ADGB: variants seen among roughly 807,000 people sequenced by gnomAD.
ADGB encodes calpain-7-like protein.
A neutral mutation model predicts 210.5 loss-of-function variants in ADGB; 172 were observed. The ratio of observed to expected loss-of-function variants is 0.82; its 90% confidence interval spans 0.72 to 0.93. The LOEUF (loss-of-function observed/expected upper bound fraction) is 0.93, where lower values mean the gene tolerates loss of function less well. Ranked by LOEUF, ADGB falls within the 40% of genes least tolerant of loss-of-function variation. The pLI, the probability that ADGB is intolerant of heterozygous loss-of-function variation, is 0.00. For synonymous variants in ADGB, 658 were observed against 662.7 expected (o/e 0.99, Z 0.11); for missense variants, 2,025 against 1,964.8 (o/e 1.03, Z -0.58).
intron 35 of ADGB, 108 bp downstream of exon 35, chr6:146,802,119 C>A: frequency 1.2e-6 from 1 of 800,394 alleles, no homozygotes; most frequent in Non-Finnish European, 1.7e-6. Flanking sequence ...GTCTTGAAAA[C>A]ATAGGTTTCT....
chr6:146,648,583 T>C (rs35846267), intron 3 of ADGB, among the ~76,000 whole-genome samples: 32,538 of 151,766 alleles, frequency 0.21, 3,607 homozygotes, highest in East Asian at 0.24. Context: ...TTTTATACCA[T>C]CAAATCTCAT....
At chr6:146,807,408 T>C (rs1320277238) in intron 35 of ADGB, 1 of 1,551,298 alleles carries the variant, frequency 6.4e-7, no homozygotes, top group African/African-American at 1.4e-5. Flanking sequence ...ACAGGACTCC[T>C]TAGATGAAGC....
intron 3 of ADGB, among the ~76,000 whole-genome samples, chr6:146,648,923 G>A (rs1026875992): frequency 2.0e-5 from 3 of 151,668 alleles, no homozygotes; most frequent in Non-Finnish European, 4.4e-5. Context: ...TTTTATAAAT[G>A]AAACCATTTT....
At chr6:146,729,048 G>A (rs2114581365) in intron 20 of ADGB, among the ~76,000 whole-genome samples, 1 of 152,296 alleles carries the variant, frequency 6.6e-6, no homozygotes, top group South Asian at 2.1e-4. Context: ...GCAAGATGGT[G>A]GTGCTTCTCC....
chr6:146,720,842 C>T (rs1776801907), intron 16 of ADGB, among the ~76,000 whole-genome samples: 1 of 152,164 alleles, frequency 6.6e-6, no homozygotes, highest in Non-Finnish European at 1.5e-5. Flanking sequence ...AATCACCTCC[C>T]ACCAGGCCCC....
intron 27 of ADGB, among the ~76,000 whole-genome samples, chr6:146,754,086 C>T (rs1186326808): frequency 6.6e-6 from 1 of 151,178 alleles, no homozygotes; most frequent in African/African-American, 2.4e-5. Context: ...AAAATAATTT[C>T]CAAGGTTATT....
In ADGB at chr6:146,647,606, G is replaced by A. The variant is rs191068565; in HGVS notation, c.330+2741G>A. Among the ~76,000 whole-genome samples, 112 of 152,108 alleles carry A rather than the reference G, an allele frequency of 7.4e-4. 1 individual carries two copies. Among genetic ancestry groups the A allele is most frequent in the African/African-American group, 2.3e-3 (94 of 41,526 alleles). ...AAGTTATAGTTTGGGAAAACATTGT[G>A]TTTATTCTGTATTTATTACTTTTAT... On this transcript the variant is annotated intron_variant, in intron 3 of 35. Coordinates refer to ENST00000397944, the MANE Select transcript of ADGB (RefSeq NM_024694.4).
At chr6:146,781,417 C>T (rs1446642728) in intron 29 of ADGB, among the ~76,000 whole-genome samples, 1 of 148,788 alleles carries the variant, frequency 6.7e-6, no homozygotes, top group Non-Finnish European at 1.5e-5. Context: ...ACTCTCTTAA[C>T]CAATGGAACA....
At chr6:146,657,727 C>T (rs1775804827) in intron 5 of ADGB, among the ~76,000 whole-genome samples, 1 of 152,174 alleles carries the variant, frequency 6.6e-6, no homozygotes, top group African/African-American at 2.4e-5. Flanking sequence ...GTCCAGTCCT[C>T]TTCTGGCTTT....
intron 33 of ADGB, among the ~76,000 whole-genome samples, chr6:146,790,296 C>T (rs1777935851): frequency 6.6e-6 from 1 of 152,172 alleles, no homozygotes; most frequent in Non-Finnish European, 1.5e-5. Flanking sequence ...TGCTAGCTAA[C>T]TGAAACTAAC....
intron 1 of ADGB, among the ~76,000 whole-genome samples, chr6:146,623,176 A>G (rs1562257670): frequency 6.6e-6 from 1 of 151,906 alleles, no homozygotes; most frequent in African/African-American, 2.4e-5. Flanking sequence ...GTTTGGGTCC[A>G]TATGAGATTT....
chr6:146,605,377 A>G (rs1400464310), intron 1 of ADGB, among the ~76,000 whole-genome samples: 1 of 152,144 alleles, frequency 6.6e-6, no homozygotes, highest in Non-Finnish European at 1.5e-5. Flanking sequence ...CTCCAGTTGC[A>G]GTTTTAATAT....
intron 35 of ADGB, chr6:146,803,599 A>C: frequency 4.4e-6 from 6 of 1,367,652 alleles, no homozygotes; most frequent in South Asian, 1.2e-5. Context: ...AACCTCCTTC[A>C]TGTTCTTATC....
intron 1 of ADGB, among the ~76,000 whole-genome samples, chr6:146,613,879 C>A (rs997915128): frequency 1.1e-4 from 16 of 151,648 alleles, no homozygotes; most frequent in African/African-American, 3.6e-4. Flanking sequence ...TTATTAATAG[C>A]AGGTTTATAA....
chr6:146,745,513 G>A (rs543049043), intron 25 of ADGB, among the ~76,000 whole-genome samples: 3 of 152,228 alleles, frequency 2.0e-5, no homozygotes, highest in South Asian at 2.1e-4. Context: ...GAACTCTTCT[G>A]CTTTTCTTAC....
At chr6:146,695,056 C>T (rs904926338) in intron 12 of ADGB, among the ~76,000 whole-genome samples, 1 of 152,102 alleles carries the variant, frequency 6.6e-6, no homozygotes, top group Admixed American at 6.5e-5. Flanking sequence ...TCCTTGCTTC[C>T]TGGATGAATC....
At chr6:146,796,735 AT>A (rs2114660036) in intron 33 of ADGB, among the ~76,000 whole-genome samples, 1 of 152,314 alleles carries the variant, frequency 6.6e-6, no homozygotes, top group East Asian at 1.9e-4. Flanking sequence ...AAAGACTTAA[AT>A]CTAAGACCAG....
intron 1 of ADGB, among the ~76,000 whole-genome samples, chr6:146,611,940 G>A (rs1016266528): frequency 1.3e-5 from 2 of 152,086 alleles, no homozygotes; most frequent in African/African-American, 4.8e-5. Flanking sequence ...GCTGCTGAAA[G>A]GTGGCATATC....
At chr6:146,741,046 G>T in intron 24 of ADGB, 72 bp from the exon 25 acceptor site, 2 of 1,225,416 alleles carry the variant, frequency 1.6e-6, no homozygotes, top group Non-Finnish European at 2.1e-6. Context: ...AAAATTTCTT[G>T]GCATTAATGC....
Sources: gnomAD v4.1 joint callset for allele counts (sites outside exome capture counted in the v4.1 genomes callset) on GRCh38, gnomAD v4.1.1 for gene constraint, MANE v1.5 for transcripts, NCBI Gene and HGNC (gene_info 2026-07-23, HGNC 2026-07-21) for gene names.